The following ZNF195 variants were observed in gnomAD, a reference collection of about 807,000 sequenced individuals.
ZNF195 encodes the protein hypoxia-regulated factor-1.
A neutral mutation model predicts 19.5 loss-of-function variants in ZNF195; 11 were observed. The ratio of observed to expected loss-of-function variants is 0.57; its 90% CI spans 0.36 to 0.94. ZNF195 has a LOEUF of 0.94. Ranked by LOEUF, ZNF195 falls within the 40% of genes least tolerant of loss-of-function variation. The pLI, the probability that ZNF195 is intolerant of heterozygous loss-of-function variation, is 0.01. For synonymous variants in ZNF195, 214 were observed against 248.1 expected (o/e 0.86, Z 1.29); for missense variants, 582 against 709.0 (o/e 0.82, Z 2.03).
intron 4 of ZNF195, 28 bp from the exon 5 acceptor site, chr11:3,360,816 T>A: frequency 1.3e-6 from 2 of 1,548,936 alleles, no homozygotes; most frequent in Middle Eastern, 1.7e-4. Context: ...AGAAAAACAG[T>A]CTGTTACGTT....
At position 3,359,312 on chromosome 11, in the gene ZNF195, T is replaced by C. The variant is rs778742704; in HGVS notation, c.1696A>G (p.Thr566Ala). 6.2e-6 allele frequency: 10 copies of C among 1,613,792 alleles called. No homozygotes were observed. The East Asian group carries it at 2.0e-4, about 32-fold the overall frequency. Residue 566 changes from threonine to alanine, a missense_variant, in exon 6 of 6, where the codon ACC becomes GCC. By Grantham distance (58) the Thr-to-Ala change is moderately conservative (BLOSUM62 0). Coordinates refer to ENST00000399602, the MANE Select transcript of ZNF195 (RefSeq NM_001130520.3). The surrounding 1 kb of genome is among the most constrained non-coding windows in gnomAD (Gnocchi z 5.5). ...GRVFMWFSDI[T>A]KHKKTHTGEK... Reference sequence around the variant, plus strand: ...CCAGTATGGGTTTTCTTATGTTTGGTAATGTCTGAGAACCACATGAAGACT... The same window carrying C: ...CCAGTATGGGTTTTCTTATGTTTGGCAATGTCTGAGAACCACATGAAGACT...
chr11:3,377,251 G>A (rs765762596), intron 1 of ZNF195, among the ~76,000 whole-genome samples: 65 of 152,146 alleles, frequency 4.3e-4, no homozygotes, highest in Non-Finnish European at 4.1e-4. Context: ...TGGCAGTGCC[G>A]ACTGGAACAC....
At chr11:3,367,540 T>C (rs1848960182) in intron 3 of ZNF195, among the ~76,000 whole-genome samples, 1 of 152,086 alleles carries the variant, frequency 6.6e-6, no homozygotes, top group Non-Finnish European at 1.5e-5. Context: ...TTTTAATGAC[T>C]AAGAGATACT....
intron 1 of ZNF195, among the ~76,000 whole-genome samples, chr11:3,375,265 C>T (rs1406083615): frequency 2.0e-5 from 3 of 152,126 alleles, no homozygotes; most frequent in Non-Finnish European, 2.9e-5. Flanking sequence ...AAAACTGCCC[C>T]CCACCCCAAA....
chr11:3,361,864 C>A lies in ZNF195; in HGVS notation c.252G>T (p.Gln84His). 2.0e-6 allele frequency: 1 copy of A among 491,888 alleles called. No individual in the cohort carries two copies. Among genetic ancestry groups the A allele is most frequent in the Non-Finnish European group, 3.9e-6 (1 of 258,422 alleles). The allele number at this position is 491,888 out of a possible 1,614,324, so 30.5% of individuals were successfully genotyped here. A position where few individuals can be genotyped will look rare whatever the true frequency, so the allele number is the denominator to read the frequency against. ...HPEMGFHHATQACLELLGSSD... is the reference protein window; with the variant it reads ...HPEMGFHHATHACLELLGSSD... ...TTGAGCCCAGGAGTTCAAGACAAGCCTGAGTAGCATGGTGAAATCCCATCT... is the reference window on the plus strand; with the variant it reads ...TTGAGCCCAGGAGTTCAAGACAAGCATGAGTAGCATGGTGAAATCCCATCT... Residue 84 changes from glutamine to histidine, a missense_variant, in exon 4 of 6, where the codon CAG becomes CAT. Gln to His is a conservative substitution (Grantham distance 24). Around this residue, in one of 3 missense-constraint regions of ZNF195, gnomAD observed 129 missense variants for 112.1 expected, o/e 1.15. Transcript: ENST00000399602.
intron 1 of ZNF195, among the ~76,000 whole-genome samples, chr11:3,373,111 C>T (rs1052377071): frequency 1.1e-4 from 17 of 152,172 alleles, no homozygotes; most frequent in African/African-American, 4.1e-4. Flanking sequence ...TTCTCTTTTC[C>T]AGAATGCTTT....
rs199712721 is a variant in ZNF195, at chr11:3,371,623, C to T, written c.84G>A (p.Leu28=). ...WKCLDLAQQN[L]YRDVMLENYR... is the part of the protein sequence containing the mutation. ...AGTTCTCCAACATCACATCCCTGTA[C>T]AAATTCTGCTGAGCGAGGTCCAGGC... Residue 28 remains leucine (L), a synonymous_variant, in exon 2 of 6, where the codon TTG becomes TTA. Coordinates refer to ENST00000399602, the MANE Select transcript of ZNF195 (RefSeq NM_001130520.3). 2 of 1,614,094 alleles carry T rather than the reference C, an allele frequency of 1.2e-6. No individual in the cohort carries two copies. The highest frequency in any genetic ancestry group is 1.1e-5 in the South Asian group (1 of 91,076).
At chr11:3,377,896 T>C in intron 1 of ZNF195, 1 of 987,514 alleles carries the variant, frequency 1.0e-6, no homozygotes, top group African/African-American at 1.7e-5. Flanking sequence ...GTAAGGTGTC[T>C]GTGCCTAGGG....
intron 1 of ZNF195, among the ~76,000 whole-genome samples, chr11:3,375,273 A>G (rs897856264): frequency 1.3e-5 from 2 of 152,136 alleles, no homozygotes; most frequent in African/African-American, 4.8e-5. Context: ...CCCCCACCCC[A>G]AAATTTAAAT....
chr11:3,371,736 T>G, intron 1 of ZNF195, 33 bp from the exon 2 acceptor site: 1 of 1,566,984 alleles, frequency 6.4e-7, no homozygotes, highest in Non-Finnish European at 8.7e-7. Context: ...AACAAATACT[T>G]GATTCGAGGT....
chr11:3,364,694 G>A (rs542357146), intron 3 of ZNF195, among the ~76,000 whole-genome samples: 12 of 152,266 alleles, frequency 7.9e-5, no homozygotes, highest in Admixed American at 7.8e-4. Context: ...AGAAAAGAAT[G>A]AAAGCTTGTC....
chr11:3,373,499 G>T, intron 1 of ZNF195: 1 of 1,164,600 alleles, frequency 8.6e-7, no homozygotes, highest in Non-Finnish European at 1.3e-6. Flanking sequence ...AAGTAGAGAA[G>T]TAAAGGTTTC....
intron 4 of ZNF195, 69 bp from the exon 5 acceptor site, chr11:3,360,857 A>G: frequency 7.3e-7 from 1 of 1,372,146 alleles, no homozygotes; most frequent in Non-Finnish European, 1.0e-6. Context: ...CCTCCGCAGT[A>G]TAGCATCATG....
Position 3,379,025 on chromosome 11 carries a change from C to T in ZNF195, c.3+13G>A, listed in dbSNP as rs1849620098. 1 of 1,487,712 alleles carries T rather than the reference C, an allele frequency of 6.7e-7. No individual in the cohort carries two copies. Among genetic ancestry groups the T allele is most frequent in the Non-Finnish European group, 9.0e-7 (1 of 1,108,416 alleles). 92.2% of individuals were successfully genotyped at this position (1,487,712 alleles called of 1,614,324 possible). On this transcript the variant is annotated intron_variant, in intron 1 of 5. Coordinates refer to ENST00000399602, the MANE Select transcript of ZNF195 (RefSeq NM_001130520.3). ...CCTCCCTGTCTCTCAGGAGGCCTGG[C>T]CCCTACACTCACCATCTCCTGGCCT...
At chr11:3,373,406 T>C (rs1267239344) in intron 1 of ZNF195, among the ~76,000 whole-genome samples, 1 of 152,178 alleles carries the variant, frequency 6.6e-6, no homozygotes, top group Non-Finnish European at 1.5e-5. Flanking sequence ...CTTTGGTATA[T>C]AGAAAACAAA....
Position 3,361,723 on chromosome 11 carries a change from A to G in ZNF195, c.373+20T>C. 1 of 1,301,926 alleles carries G rather than the reference A, an allele frequency of 7.7e-7. No individual in the cohort carries two copies. The highest frequency in any genetic ancestry group is 5.6e-5 in the East Asian group (1 of 18,014). 80.6% of individuals were successfully genotyped at this position (1,301,926 alleles called of 1,614,324 possible). On this transcript the variant is annotated intron_variant, in intron 4 of 5. Coordinates refer to ENST00000399602, the MANE Select transcript of ZNF195 (RefSeq NM_001130520.3). ...GAAAGCAGCAAGTGAAAAGCAAGGT[A>G]CATGCTCTTAGGAGATTACCAGTGA...
rs1250108377 is a variant in ZNF195, at chr11:3,379,111, G to A, written c.-71C>T. 1.4e-6 allele frequency: 2 copies of A among 1,436,376 alleles called. No homozygotes were observed. The highest frequency in any genetic ancestry group is 1.8e-6 in the Non-Finnish European group (2 of 1,086,662). The allele number at this position is 1,436,376 out of a possible 1,614,324, so 89.0% of individuals were successfully genotyped here. ...GTGCCTGCGGGTCACACGACCTACG[G>A]CTAGCAGGGGACACAGAGCCGCGGG... is the stretch of plus-strand genomic sequence containing the variant. On this transcript the variant is annotated 5_prime_UTR_variant, in exon 1 of 6. Transcript: ENST00000399602.
At chr11:3,366,078 A>T (rs970169134) in intron 3 of ZNF195, among the ~76,000 whole-genome samples, 1 of 151,706 alleles carries the variant, frequency 6.6e-6, no homozygotes, top group Non-Finnish European at 1.5e-5. Context: ...CAACACGGTG[A>T]AACCCCATCT....
intron 3 of ZNF195, among the ~76,000 whole-genome samples, chr11:3,367,572 T>G (rs1015333179): frequency 6.6e-6 from 1 of 152,052 alleles, no homozygotes; most frequent in African/African-American, 2.4e-5. Flanking sequence ...TTATTATATG[T>G]TTACTATACC....
Sources: allele counts gnomAD v4.1 joint callset (sites outside exome capture counted in the v4.1 genomes callset), GRCh38; gene constraint gnomAD v4.1.1; regional missense constraint gnomAD v4.1.1; non-coding constraint Gnocchi (gnomAD v3.1); transcripts MANE v1.5; gene names NCBI Gene and HGNC (gene_info 2026-07-23, HGNC 2026-07-21).